The following LRRTM3 variants were observed in gnomAD, a reference collection of about 807,000 sequenced individuals.
LRRTM3 encodes leucine rich repeat transmembrane neuronal 3, also known as leucine-rich repeat transmembrane neuronal protein 3.
Under a neutral mutation model 44.7 loss-of-function variants are expected in LRRTM3, and 24 were observed. The ratio of observed to expected loss-of-function variants is 0.54; its 90% CI spans 0.39 to 0.76. LRRTM3 has a LOEUF of 0.76. LRRTM3 is among the 30% of genes least tolerant of loss of function. The pLI is 0.00. For missense variants in LRRTM3, 587 were observed against 702.2 expected (o/e 0.84, Z 1.85); for synonymous variants, 277 against 278.7 (o/e 0.99, Z 0.06).
intron 2 of LRRTM3, among the ~76,000 whole-genome samples, chr10:67,093,562 A>C (rs1857789396): frequency 6.6e-6 from 1 of 151,888 alleles, no homozygotes; most frequent in Non-Finnish European, 1.5e-5. Flanking sequence ...TACAAGGTTG[A>C]GTCAAACAGA....
chr10:66,931,828 GAATA>G (rs1262424132), intron 2 of LRRTM3, among the ~76,000 whole-genome samples: 2 of 152,252 alleles, frequency 1.3e-5, no homozygotes, highest in East Asian at 1.9e-4. Context: ...AACGCAATAA[GAATA>G]GATAAGAAAT....
chr10:67,086,365 G>C (rs980069297), intron 2 of LRRTM3, among the ~76,000 whole-genome samples: 1 of 151,956 alleles, frequency 6.6e-6, no homozygotes, highest in Admixed American at 6.6e-5. Flanking sequence ...ACTTCATTTA[G>C]TTGGGAGATA....
intron 2 of LRRTM3, among the ~76,000 whole-genome samples, chr10:67,092,959 A>T (rs1589727884): frequency 6.6e-6 from 1 of 151,998 alleles, no homozygotes; most frequent in African/African-American, 2.4e-5. Flanking sequence ...AGCTAAGAGT[A>T]TACATGATAA....
chr10:67,031,284 C>T (rs1306231191), intron 2 of LRRTM3, among the ~76,000 whole-genome samples: 1 of 151,968 alleles, frequency 6.6e-6, no homozygotes, highest in African/African-American at 2.4e-5. Flanking sequence ...TAGAAATTCA[C>T]AGGTTTTAAA....
At chr10:66,997,643 C>A (rs754530243) in intron 2 of LRRTM3, among the ~76,000 whole-genome samples, 1 of 152,114 alleles carries the variant, frequency 6.6e-6, no homozygotes, top group Non-Finnish European at 1.5e-5. Flanking sequence ...TATTAGGACA[C>A]CATCTCTCTG....
intron 2 of LRRTM3, among the ~76,000 whole-genome samples, chr10:66,977,434 CAAAA>C (rs11368044): frequency 6.9e-6 from 1 of 145,080 alleles, no homozygotes; most frequent in Non-Finnish European, 1.5e-5. Context: ...AACTCTGTCT[CAAAA>C]AAAAAAAAAA....
chr10:67,017,711 G>A (rs1367252408), intron 2 of LRRTM3, among the ~76,000 whole-genome samples: 1 of 149,988 alleles, frequency 6.7e-6, no homozygotes, highest in East Asian at 1.9e-4. Context: ...AAAATGTGAT[G>A]TCACAAAAAT....
chr10:67,001,095 G>A (rs1369761018), intron 2 of LRRTM3, among the ~76,000 whole-genome samples: 2 of 151,960 alleles, frequency 1.3e-5, no homozygotes, highest in South Asian at 4.1e-4. Context: ...GAGGTCAGGA[G>A]ATCGAGACCA....
chr10:67,074,574 T>C (rs1043107682), intron 2 of LRRTM3, among the ~76,000 whole-genome samples: 184 of 151,922 alleles, frequency 1.2e-3, no homozygotes, highest in African/African-American at 4.3e-3. Context: ...ATGGTCTCGA[T>C]CTCCTGACCT....
intron 2 of LRRTM3, among the ~76,000 whole-genome samples, chr10:66,986,597 T>C (rs1850741977): frequency 6.6e-6 from 1 of 152,176 alleles, no homozygotes; most frequent in African/African-American, 2.4e-5. Flanking sequence ...CTGTAGTTTA[T>C]AGGAGAATGA....
At chr10:66,939,518 T>G (rs1013394310) in intron 2 of LRRTM3, among the ~76,000 whole-genome samples, 9 of 152,198 alleles carry the variant, frequency 5.9e-5, no homozygotes, top group African/African-American at 2.2e-4. Context: ...ACTCTTTTGT[T>G]TGGGCCTATA....
chr10:66,928,093 C>A lies in LRRTM3; in HGVS notation c.1177C>A (p.Pro393Thr), dbSNP rs538826516. Residue 393 changes from proline to threonine, a missense_variant, in exon 2 of 3, where the codon CCC becomes ACC. Transcript: ENST00000361320. ...CCCCAGGCCGAAGCATGAGAGCAAA[C>A]CCCCTTTGCCCCCGACGGTGGGAGC... The part of the protein sequence containing the change: ...KLPRPKHESK[P>T]PLPPTVGATE... The A allele has an allele frequency of 5.0e-6, 8 of 1,614,064 alleles. No homozygotes were observed. The South Asian group carries it at 7.7e-5, about 16-fold the overall frequency.
At chr10:66,995,866 C>T (rs1851300922) in intron 2 of LRRTM3, among the ~76,000 whole-genome samples, 2 of 152,292 alleles carry the variant, frequency 1.3e-5, no homozygotes, top group African/African-American at 4.8e-5. Flanking sequence ...ACACTTCCAT[C>T]TTTGTTTCAT....
At chr10:66,978,953 T>G (rs1201241051) in intron 2 of LRRTM3, among the ~76,000 whole-genome samples, 1 of 146,250 alleles carries the variant, frequency 6.8e-6, no homozygotes, top group Admixed American at 7.3e-5. Context: ...CCTCACATAC[T>G]TATTTCCTTT....
chr10:67,043,131 C>CTTTTTTTTTT (rs1284606581), intron 2 of LRRTM3, among the ~76,000 whole-genome samples: 1 of 60,210 alleles, frequency 1.7e-5, no homozygotes, highest in Non-Finnish European at 4.1e-5. Flanking sequence ...GGCTCACTTT[C>CTTTTTTTTTT]TTTCTTTTTT....
chr10:66,954,831 G>C (rs1002496432), intron 2 of LRRTM3, among the ~76,000 whole-genome samples: 9 of 152,076 alleles, frequency 5.9e-5, no homozygotes, highest in African/African-American at 1.2e-4. Context: ...TATAGGCCTT[G>C]GGCTACAAGT....
intron 2 of LRRTM3, among the ~76,000 whole-genome samples, chr10:67,073,288 A>G (rs185037204): frequency 2.0e-5 from 3 of 152,320 alleles, no homozygotes; most frequent in Non-Finnish European, 4.4e-5. Context: ...CTCTATTGAC[A>G]CAAAATTGAC....
At chr10:67,070,787 A>T (rs1856406911) in intron 2 of LRRTM3, among the ~76,000 whole-genome samples, 1 of 151,762 alleles carries the variant, frequency 6.6e-6, no homozygotes. Context: ...ATCCTTGCCT[A>T]CTCCAGGGTT....
At chr10:66,989,892 C>T (rs748390613) in intron 2 of LRRTM3, among the ~76,000 whole-genome samples, 1 of 152,090 alleles carries the variant, frequency 6.6e-6, no homozygotes, top group Non-Finnish European at 1.5e-5. Flanking sequence ...GGCAATAGGA[C>T]TTACCACAGT....
Sources: gnomAD v4.1 joint callset for allele counts (sites outside exome capture counted in the v4.1 genomes callset) on GRCh38, gnomAD v4.1.1 for gene constraint, MANE v1.5 for transcripts, NCBI Gene and HGNC (gene_info 2026-07-23, HGNC 2026-07-21) for gene names.